AKAP8L: variants seen among roughly 807,000 people sequenced by gnomAD.
AKAP8L encodes A-kinase anchoring protein 8 like, also known as A-kinase anchor protein 8-like.
A neutral mutation model predicts 77.5 loss-of-function variants in AKAP8L; 34 were observed. The ratio of observed to expected loss-of-function variants is 0.44; its 90% CI spans 0.33 to 0.58. The LOEUF (loss-of-function observed/expected upper bound fraction) is 0.58, where lower values mean the gene tolerates loss of function less well. AKAP8L is among the 20% of genes least tolerant of loss of function. AKAP8L has a pLI of 0.02. For synonymous variants in AKAP8L, 342 were observed against 340.7 expected, an observed-to-expected ratio of 1.00 and a Z score of -0.04; for missense variants, 806 against 887.6, an observed-to-expected ratio of 0.91 and a Z score of 1.17.
In AKAP8L at chr19:15,403,938, A is replaced by C; in HGVS notation, c.121+72T>G. 6.4e-7 allele frequency: 1 copy of C among 1,565,888 alleles called. No homozygotes were observed. The highest frequency in any genetic ancestry group is 1.4e-5 in the African/African-American group (1 of 73,932). On this transcript the variant is annotated intron_variant, in intron 3 of 13. Coordinates refer to ENST00000397410, the MANE Select transcript of AKAP8L (RefSeq NM_014371.4). This position sits in a 1 kb window ranked among gnomAD's most constrained non-coding sequence, Gnocchi z 4.3. ...TCCCCACTCCCAACCTTGGCCAAGC[A>C]GGGCAGTGGCAGAGAAACACAGCCA...
At position 15,397,320 on chromosome 19, in the gene AKAP8L, C is replaced by T. The variant is rs1373355616; in HGVS notation, c.1406-40G>A. 2.5e-6 allele frequency: 4 copies of T among 1,610,072 alleles called. No homozygotes were observed. The highest frequency in any genetic ancestry group is 2.5e-6 in the Non-Finnish European group (3 of 1,177,278). On this transcript the variant is annotated intron_variant, in intron 11 of 13. Coordinates refer to ENST00000397410, the MANE Select transcript of AKAP8L (RefSeq NM_014371.4). This position sits in a 1 kb window ranked among gnomAD's most constrained non-coding sequence, Gnocchi z 4.7. Reference sequence around the variant, plus strand: ...AGGGAGTCACCACTGGGCCCAGGTGCCTAAGATAGACCCAGGTGTTCGAGA... The same window carrying T: ...AGGGAGTCACCACTGGGCCCAGGTGTCTAAGATAGACCCAGGTGTTCGAGA...
intron 1 of AKAP8L, among the ~76,000 whole-genome samples, chr19:15,416,105 G>A (rs149604619): frequency 1.4e-3 from 211 of 151,670 alleles, no homozygotes; most frequent in African/African-American, 4.9e-3. Context: ...GTGATTACAA[G>A]TGTGAGCCAC....
At chr19:15,400,480 C>A in intron 7 of AKAP8L, 122 bp from the exon 8 acceptor site, 2 of 1,036,130 alleles carry the variant, frequency 1.9e-6, no homozygotes, top group Non-Finnish European at 2.8e-6. Context: ...CAGAGCAGGG[C>A]TATCCTATAG....
At chr19:15,386,599 G>A (rs574508325) in intron 12 of AKAP8L, among the ~76,000 whole-genome samples, 4 of 152,216 alleles carry the variant, frequency 2.6e-5, no homozygotes, top group South Asian at 4.1e-4. Context: ...AGGTCTGCCC[G>A]CATCTACCCA....
intron 12 of AKAP8L, among the ~76,000 whole-genome samples, chr19:15,390,132 C>T (rs554221269): frequency 6.6e-6 from 1 of 151,870 alleles, no homozygotes; most frequent in Admixed American, 6.6e-5. Flanking sequence ...AACTAGTTAA[C>T]AGGCTGGGCA....
chr19:15,399,455 A>T lies in AKAP8L; in HGVS notation c.1049-45T>A. ...CTGTCACCAATTTGGCTCTGCCAGG[A>T]CAGGGCAGGCCCTGCGGCCTCTGGC... On this transcript the variant is annotated intron_variant, in intron 8 of 13. Transcript: ENST00000397410. This position sits in a 1 kb window ranked among gnomAD's most constrained non-coding sequence, Gnocchi z 6.1. 6.9e-7 allele frequency: 1 copy of T among 1,458,580 alleles called. No individual in the cohort carries two copies. Among genetic ancestry groups the T allele is most frequent in the Non-Finnish European group, 9.6e-7 (1 of 1,039,168 alleles). The allele number at this position is 1,458,580 out of a possible 1,614,324, so 90.4% of individuals were successfully genotyped here.
At chr19:15,389,581 G>A (rs1421880309) in intron 12 of AKAP8L, among the ~76,000 whole-genome samples, 2 of 152,008 alleles carry the variant, frequency 1.3e-5, no homozygotes, top group East Asian at 3.9e-4. Context: ...GACCATCCTG[G>A]CCAAGATGGT....
chr19:15,403,476 T>C lies in AKAP8L; in HGVS notation c.361A>G (p.Arg121Gly), dbSNP rs763237119. 3.7e-6 allele frequency: 6 copies of C among 1,613,868 alleles called. No homozygotes were observed. Among genetic ancestry groups the C allele is most frequent in the Admixed American group, 1.7e-5 (1 of 60,010 alleles). Residue 121 changes from arginine to glycine, a missense_variant and splice_region_variant, in exon 4 of 14, where the codon AGG becomes GGG. By Grantham distance (125) the Arg-to-Gly change is moderately radical. Transcript: ENST00000397410. The surrounding 1 kb of genome is among the most constrained non-coding windows in gnomAD (Gnocchi z 4.3). ...ACCCCTAGGCAGGTGTCCACTCACC[T>C]TTCTCCACCTGAGCCGTACACGCCT... ...QGGVYGSGGE[R>G]YDSYESCDSR...
chr19:15,407,636 A>T (rs892227892), intron 2 of AKAP8L, among the ~76,000 whole-genome samples: 7 of 152,244 alleles, frequency 4.6e-5, no homozygotes, highest in Non-Finnish European at 1.0e-4. Context: ...GAAAGTTTTT[A>T]AAAGTACCAT....
chr19:15,384,894 G>T (rs1172324405), intron 12 of AKAP8L, among the ~76,000 whole-genome samples: 1 of 151,944 alleles, frequency 6.6e-6, no homozygotes, highest in African/African-American at 2.4e-5. Flanking sequence ...TTTTTGAGAC[G>T]GAGTCTCGCT....
At position 15,401,603 on chromosome 19, in the gene AKAP8L, C is replaced by A. The variant is rs753565141; in HGVS notation, c.363G>T (p.Arg121Ser). 1.6e-5 allele frequency: 25 copies of A among 1,579,964 alleles called. No individual in the cohort carries two copies. The South Asian group carries it at 2.2e-4, about 14-fold the overall frequency. Residue 121 changes from arginine (R) to serine (S), a missense_variant and splice_region_variant, in exon 5 of 14, where the codon AGG becomes AGT. Transcript: ENST00000397410. The surrounding 1 kb of genome is among the most constrained non-coding windows in gnomAD (Gnocchi z 6.2). ...AGTCGCAGGACTCATAAGAGTCATA[C>A]CTGCAGAGGCATGGGGTGAGCATCA... ...QGGVYGSGGERYDSYESCDSR... is the reference protein window; with the variant it reads ...QGGVYGSGGESYDSYESCDSR...
rs116709673 is a variant in AKAP8L at position 15,403,225 on chromosome 19, G to A, written c.362+250C>T. ...TTGAGGGCACAGTGAAGTCTGCCCAGTCTGGGCTTGTTCCTCTCACCGCAA... is the reference window on the plus strand; with the variant it reads ...TTGAGGGCACAGTGAAGTCTGCCCAATCTGGGCTTGTTCCTCTCACCGCAA... On this transcript the variant is annotated intron_variant, in intron 4 of 13. Coordinates refer to ENST00000397410, the MANE Select transcript of AKAP8L (RefSeq NM_014371.4). This position sits in a 1 kb window ranked among gnomAD's most constrained non-coding sequence, Gnocchi z 4.3. 405 of 535,358 alleles carry A rather than the reference G, an allele frequency of 7.6e-4. 2 individuals are homozygous for A. The highest frequency in any genetic ancestry group is 7.1e-3 in the African/African-American group (371 of 52,510). 33.2% of individuals were successfully genotyped at this position (535,358 alleles called of 1,614,324 possible).
At position 15,401,525 on chromosome 19, in the gene AKAP8L, G is replaced by A. The variant is rs1599608922; in HGVS notation, c.441C>T (p.Ser147=). Residue 147 remains serine (S), a synonymous_variant, in exon 5 of 14, where the codon AGC becomes AGT. Transcript: ENST00000397410. This position sits in a 1 kb window ranked among gnomAD's most constrained non-coding sequence, Gnocchi z 6.2. ...RDLYRSGYDY[S]ELDPEMEMAY... is the part of the protein sequence containing the mutation. ...CCATTTCCATCTCAGGGTCAAGCTC[G>A]CTGTAGTCATAGCCTGACCGGTACA... 3.1e-6 allele frequency: 5 copies of A among 1,613,742 alleles called. No homozygotes were observed. The highest frequency in any genetic ancestry group is 4.2e-6 in the Non-Finnish European group (5 of 1,179,840).
chr19:15,391,154 C>T (rs1216262535), intron 12 of AKAP8L, among the ~76,000 whole-genome samples: 1 of 151,988 alleles, frequency 6.6e-6, no homozygotes, highest in Non-Finnish European at 1.5e-5. Flanking sequence ...TACAAAGAAA[C>T]CCCTAAGAAA....
chr19:15,388,668 C>A (rs973664526), intron 12 of AKAP8L, among the ~76,000 whole-genome samples: 1 of 152,138 alleles, frequency 6.6e-6, no homozygotes, highest in African/African-American at 2.4e-5. Flanking sequence ...GTAATCCCAG[C>A]ACTTTGGGAG....
rs1967812487 is a variant in AKAP8L, at chr19:15,397,958, A to C, written c.1158-103T>G. ...ACAAGCCCTGAAACAGGCCTTGCTCACGGGCCTCTGAAGTACGGTCCCAGC... is the reference window on the plus strand; with the variant it reads ...ACAAGCCCTGAAACAGGCCTTGCTCCCGGGCCTCTGAAGTACGGTCCCAGC... On this transcript the variant is annotated intron_variant, in intron 9 of 13. Coordinates refer to ENST00000397410, the MANE Select transcript of AKAP8L (RefSeq NM_014371.4). The surrounding 1 kb of genome is among the most constrained non-coding windows in gnomAD (Gnocchi z 4.7). 4.2e-6 allele frequency: 6 copies of C among 1,431,756 alleles called. No homozygotes were observed. Among genetic ancestry groups the C allele is most frequent in the Non-Finnish European group, 4.7e-6 (5 of 1,055,586 alleles). The allele number at this position is 1,431,756 out of a possible 1,614,324, so 88.7% of individuals were successfully genotyped here.
chr19:15,402,450 T>C (rs1481454147), intron 4 of AKAP8L, among the ~76,000 whole-genome samples: 1 of 152,192 alleles, frequency 6.6e-6, no homozygotes, highest in African/African-American at 2.4e-5. Flanking sequence ...CAGCAGTTGG[T>C]GCTGCCGCTG....
At chr19:15,408,875 A>G (rs1208408508) in intron 2 of AKAP8L, among the ~76,000 whole-genome samples, 1 of 151,524 alleles carries the variant, frequency 6.6e-6, no homozygotes, top group African/African-American at 2.4e-5. Context: ...CTGTCTCAAA[A>G]AAAAAAAAAA....
At chr19:15,408,548 A>G (rs1968045115) in intron 2 of AKAP8L, among the ~76,000 whole-genome samples, 1 of 120,212 alleles carries the variant, frequency 8.3e-6, no homozygotes, top group South Asian at 2.7e-4. Context: ...GGGCAACAAG[A>G]GCGAAACTCC....
Sources: gnomAD v4.1 joint callset for allele counts (sites outside exome capture counted in the v4.1 genomes callset) on GRCh38, gnomAD v4.1.1 for gene constraint, Gnocchi (gnomAD v3.1) non-coding constraint, MANE v1.5 for transcripts, NCBI Gene and HGNC (gene_info 2026-07-23, HGNC 2026-07-21) for gene names.